PRIMA1: variants seen among roughly 807,000 people sequenced by gnomAD.
PRIMA1 encodes proline rich membrane anchor 1, also known as proline-rich membrane anchor 1.
Under a neutral mutation model 17.5 loss-of-function variants are expected in PRIMA1, and 7 were observed. That is an observed-to-expected ratio of 0.40 (90% CI 0.23 to 0.75). The LOEUF (loss-of-function observed/expected upper bound fraction) is 0.75, where lower values mean the gene tolerates loss of function less well. PRIMA1 is among the 30% of genes least tolerant of loss of function. The pLI, the probability that PRIMA1 is intolerant of heterozygous loss-of-function variation, is 0.37. For synonymous variants in PRIMA1, 97 were observed against 77.9 expected (o/e 1.25, Z -1.29); for missense variants, 200 against 201.8 (o/e 0.99, Z 0.05).
intron 3 of PRIMA1, among the ~76,000 whole-genome samples, chr14:93,745,219 G>A (rs2076209659): frequency 6.6e-6 from 1 of 152,206 alleles, no homozygotes; most frequent in Non-Finnish European, 1.5e-5. Flanking sequence ...CAGTGGGCCT[G>A]TGGATATGCA....
intron 3 of PRIMA1, among the ~76,000 whole-genome samples, chr14:93,746,232 A>C (rs1313167384): frequency 6.6e-6 from 1 of 152,082 alleles, no homozygotes; most frequent in Non-Finnish European, 1.5e-5. Context: ...CCAGCTCTTA[A>C]GGGAGATGCA....
At chr14:93,723,525 C>G (rs568274440) in intron 4 of PRIMA1, among the ~76,000 whole-genome samples, 21 of 152,334 alleles carry the variant, frequency 1.4e-4, no homozygotes, top group Non-Finnish European at 2.6e-4. Flanking sequence ...TGGTAGCAAA[C>G]TGTTCCCTTT....
At position 93,787,524 on chromosome 14, in the gene PRIMA1, T is replaced by C; in HGVS notation, c.93+102A>G. ...TTTCCCAAGCTCTTCCGAGAACCAA[T>C]CAGTGGGGTGGCTGCAAGAGGCCAG... On this transcript the variant is annotated intron_variant, in intron 2 of 4. Coordinates refer to ENST00000393140, the MANE Select transcript of PRIMA1 (RefSeq NM_178013.4). The C allele has an allele frequency of 2.7e-6, 4 of 1,487,520 alleles. No individual in the cohort carries two copies. The Admixed American group carries it at 7.9e-5, about 29-fold the overall frequency. The allele number at this position is 1,487,520 out of a possible 1,614,324, so 92.1% of individuals were successfully genotyped here.
At chr14:93,739,745 G>A (rs2076173029) in intron 3 of PRIMA1, among the ~76,000 whole-genome samples, 1 of 152,142 alleles carries the variant, frequency 6.6e-6, no homozygotes, top group Non-Finnish European at 1.5e-5. Context: ...GCCTAGGAGT[G>A]AGCCTCAGGT....
intron 2 of PRIMA1, among the ~76,000 whole-genome samples, chr14:93,785,059 T>C (rs936104194): frequency 9.2e-5 from 14 of 151,936 alleles, no homozygotes; most frequent in African/African-American, 3.4e-4. Context: ...ACTAGTACTT[T>C]AGGAGGGCAG....
chr14:93,736,099 C>T (rs1469608867), intron 4 of PRIMA1, among the ~76,000 whole-genome samples: 2 of 152,188 alleles, frequency 1.3e-5, no homozygotes, highest in Non-Finnish European at 2.9e-5. Context: ...ACGGACCTCA[C>T]CAAACCCCGA....
chr14:93,782,739 G>A (rs1040524602), intron 2 of PRIMA1, among the ~76,000 whole-genome samples: 3 of 152,168 alleles, frequency 2.0e-5, no homozygotes, highest in Admixed American at 6.5e-5. Context: ...TGTCTGGTCC[G>A]TCCTTATGCC....
intron 2 of PRIMA1, among the ~76,000 whole-genome samples, chr14:93,783,879 C>T (rs1885450598): frequency 6.6e-6 from 1 of 151,944 alleles, no homozygotes; most frequent in Non-Finnish European, 1.5e-5. Context: ...TACTCCTGGC[C>T]AATCAGTGTC....
In PRIMA1 at chr14:93,758,204, A is replaced by G. The variant is rs535808237; in HGVS notation, c.230-20834T>C. Among the ~76,000 whole-genome samples, 7 of 152,320 alleles carry G rather than the reference A, an allele frequency of 4.6e-5. No homozygotes were observed. In the East Asian group the frequency reaches 1.2e-3, roughly 25 times the overall value. On this transcript the variant is annotated intron_variant, in intron 3 of 4. Transcript: ENST00000393140. ...GAACCAACCAAAGACAGGATGGCCAATGAAGTCTTGACACACATCAAGTCT... is the reference window on the plus strand; with the variant it reads ...GAACCAACCAAAGACAGGATGGCCAGTGAAGTCTTGACACACATCAAGTCT...
chr14:93,744,271 A>G (rs909278411), intron 3 of PRIMA1, among the ~76,000 whole-genome samples: 3 of 152,094 alleles, frequency 2.0e-5, no homozygotes, highest in Non-Finnish European at 4.4e-5. Context: ...GCCACTGAGG[A>G]AGGAGTGGTG....
intron 4 of PRIMA1, among the ~76,000 whole-genome samples, chr14:93,721,769 G>A (rs984305851): frequency 3.3e-5 from 5 of 152,268 alleles, no homozygotes; most frequent in South Asian, 4.1e-4. Context: ...CATGAAAACC[G>A]GGGCACAGTT....
chr14:93,763,244 G>C (rs1012707188), intron 3 of PRIMA1, among the ~76,000 whole-genome samples: 1 of 152,074 alleles, frequency 6.6e-6, no homozygotes, highest in East Asian at 1.9e-4. Flanking sequence ...CCTGCCTCCC[G>C]AGCCTCAGCT....
intron 3 of PRIMA1, among the ~76,000 whole-genome samples, chr14:93,764,434 C>T (rs536155910): frequency 6.6e-6 from 1 of 151,900 alleles, no homozygotes; most frequent in Non-Finnish European, 1.5e-5. Flanking sequence ...TCTGCCCCCC[C>T]GCCCCCAAAG....
chr14:93,771,841 G>A (rs1471717986), intron 3 of PRIMA1, among the ~76,000 whole-genome samples: 1 of 152,132 alleles, frequency 6.6e-6, no homozygotes, highest in African/African-American at 2.4e-5. Flanking sequence ...TGAGGCCCAG[G>A]GAAGGAAAGG....
intron 3 of PRIMA1, among the ~76,000 whole-genome samples, chr14:93,763,097 G>T (rs1490753879): frequency 6.6e-6 from 1 of 152,166 alleles, no homozygotes; most frequent in East Asian, 1.9e-4. Flanking sequence ...CATATCCATG[G>T]CTTTCTGGTC....
chr14:93,750,704 G>A (rs1438907330), intron 3 of PRIMA1, among the ~76,000 whole-genome samples: 8 of 152,164 alleles, frequency 5.3e-5, no homozygotes, highest in Non-Finnish European at 1.2e-4. Context: ...GTCTTAACCT[G>A]AGATTCTTAG....
rs1330528272 is a variant in PRIMA1 at position 93,720,291 on chromosome 14, G to C, written c.*1153C>G. The C allele has an allele frequency of 1.3e-5, 2 of 152,272 alleles. No individual in the cohort carries two copies. The highest frequency in any genetic ancestry group is 2.9e-5 in the Non-Finnish European group (2 of 68,070). 9.4% of individuals were successfully genotyped at this position (152,272 alleles called of 1,614,324 possible). A position where few individuals can be genotyped will look rare whatever the true frequency, so the allele number is the denominator to read the frequency against. On this transcript the variant is annotated 3_prime_UTR_variant, in exon 5 of 5. Coordinates refer to ENST00000393140, the MANE Select transcript of PRIMA1 (RefSeq NM_178013.4). ...ACAGGGCAGGGGTCACCAGCCTGGAGGACCCCTCTCCTCCTGTCCCATTTC... is the reference window on the plus strand; with the variant it reads ...ACAGGGCAGGGGTCACCAGCCTGGACGACCCCTCTCCTCCTGTCCCATTTC...
Position 93,772,867 on chromosome 14 carries a change from C to G in PRIMA1, c.229+6309G>C, listed in dbSNP as rs1282130129. On this transcript the variant is annotated intron_variant, in intron 3 of 4. Transcript: ENST00000393140. Reference sequence around the variant, plus strand: ...TGCTGGAACCCTGCAGAAGCAACTCCCAATCTGAAGGTTAGTGACGTACTC... The same window carrying G: ...TGCTGGAACCCTGCAGAAGCAACTCGCAATCTGAAGGTTAGTGACGTACTC... Among the ~76,000 whole-genome samples, 4 of 152,284 alleles carry G rather than the reference C, an allele frequency of 2.6e-5. No individual in the cohort carries two copies. The East Asian group carries it at 7.7e-4, about 29-fold the overall frequency.
intron 3 of PRIMA1, among the ~76,000 whole-genome samples, chr14:93,759,693 C>T (rs1170109804): frequency 1.3e-5 from 2 of 152,190 alleles, no homozygotes; most frequent in East Asian, 1.9e-4. Flanking sequence ...CCAGCACAGA[C>T]GGAGCTTAGA....
Sources: allele counts gnomAD v4.1 joint callset (sites outside exome capture counted in the v4.1 genomes callset), GRCh38; gene constraint gnomAD v4.1.1; transcripts MANE v1.5; gene names NCBI Gene and HGNC (gene_info 2026-07-23, HGNC 2026-07-21).